IRAK1BP1: variants seen among roughly 807,000 people sequenced by gnomAD.
IRAK1BP1 encodes interleukin 1 receptor associated kinase 1 binding protein 1, also known as interleukin-1 receptor-associated kinase 1-binding protein 1.
A neutral mutation model predicts 28.0 loss-of-function variants in IRAK1BP1; 24 were observed. That is an observed-to-expected ratio of 0.86 (90% CI 0.62 to 1.20). IRAK1BP1 has a LOEUF of 1.20. Among genes scored for constraint, IRAK1BP1 ranks in the 50% most tolerant of loss-of-function variants. The pLI is 0.00. For missense variants in IRAK1BP1, 336 were observed against 316.7 expected (o/e 1.06, Z -0.46); for synonymous variants, 131 against 116.3 (o/e 1.13, Z -0.81).
At chr6:78,878,387 G>A (rs1771091136) in intron 1 of IRAK1BP1, among the ~76,000 whole-genome samples, 1 of 152,212 alleles carries the variant, frequency 6.6e-6, no homozygotes, top group African/African-American at 2.4e-5. Context: ...GGCAAACAGG[G>A]TCTGGAGTGG....
At chr6:78,878,899 CAGT>C (rs1352539636) in intron 1 of IRAK1BP1, among the ~76,000 whole-genome samples, 2 of 152,092 alleles carry the variant, frequency 1.3e-5, no homozygotes, top group Admixed American at 6.6e-5. Context: ...GAAAGGGTAT[CAGT>C]GGTGGAAGAT....
At chr6:78,882,702 A>G (rs1771273402) in intron 1 of IRAK1BP1, among the ~76,000 whole-genome samples, 2 of 152,310 alleles carry the variant, frequency 1.3e-5, no homozygotes, top group South Asian at 4.1e-4. Context: ...GAGACTAAGG[A>G]GACTTGATGA....
At chr6:78,972,159 C>G in the IRAK1BP1 span, among the ~76,000 whole-genome samples, 1 of 152,202 alleles carries the variant, frequency 6.6e-6, no homozygotes, top group African/African-American at 2.4e-5. Context: ...CAGTGGTTCT[C>G]CCAGTACGCA....
chr6:78,910,257 T>TG (rs1772368537), intron 4 of IRAK1BP1, among the ~76,000 whole-genome samples: 1 of 152,118 alleles, frequency 6.6e-6, no homozygotes. Flanking sequence ...GGCGAGGGCC[T>TG]ATCAGTTACA....
At chr6:78,930,890 C>A (rs1008556873) in intron 4 of IRAK1BP1, among the ~76,000 whole-genome samples, 1 of 152,002 alleles carries the variant, frequency 6.6e-6, no homozygotes, top group Admixed American at 6.6e-5. Flanking sequence ...GAGATCGCAC[C>A]ACTGCACTCC....
intron 4 of IRAK1BP1, among the ~76,000 whole-genome samples, chr6:78,925,180 T>C (rs559503223): frequency 6.7e-6 from 1 of 149,434 alleles, no homozygotes; most frequent in East Asian, 2.0e-4. Flanking sequence ...GGGGTGGGGG[T>C]ATGGGGGAGG....
At chr6:78,935,037 C>CTT (rs1298468509) in intron 4 of IRAK1BP1, among the ~76,000 whole-genome samples, 1 of 152,118 alleles carries the variant, frequency 6.6e-6, no homozygotes. Context: ...GGTCTTTAAT[C>CTT]TTACTTCCGT....
the IRAK1BP1 span, among the ~76,000 whole-genome samples, chr6:78,974,276 A>G: frequency 6.6e-6 from 1 of 152,102 alleles, no homozygotes; most frequent in Admixed American, 6.6e-5. Flanking sequence ...CTGAATGACT[A>G]CTGGGTACAT....
At chr6:78,946,684 T>C (rs750907130), downstream of IRAK1BP1, 19 of 1,523,848 alleles carry the variant, frequency 1.2e-5, no homozygotes, top group Non-Finnish European at 2.6e-6. Context: ...ATAGATCAGC[T>C]AGTGGTATTT....
downstream of IRAK1BP1, among the ~76,000 whole-genome samples, chr6:78,947,163 C>G (rs555972789): frequency 6.6e-5 from 10 of 152,290 alleles, no homozygotes; most frequent in East Asian, 1.9e-3. Context: ...AACTTTATTA[C>G]ACTGAAACTA....
the IRAK1BP1 span, chr6:78,965,654 AAGAAAT>A: frequency 9.8e-7 from 1 of 1,017,874 alleles, no homozygotes; most frequent in Non-Finnish European, 1.5e-6. Context: ...ATAATTTCTT[AAGAAAT>A]TAACTCCATA....
At chr6:78,972,387 T>A in the IRAK1BP1 span, among the ~76,000 whole-genome samples, 2 of 151,994 alleles carry the variant, frequency 1.3e-5, no homozygotes, top group African/African-American at 2.4e-5. Context: ...TACATCACCA[T>A]CATCAAAGAC....
chr6:78,946,583 G>T, downstream of IRAK1BP1: 2 of 1,411,120 alleles, frequency 1.4e-6, no homozygotes, highest in East Asian at 2.6e-5. Flanking sequence ...CCACATCATA[G>T]GAACTTGCAT....
intron 1 of IRAK1BP1, among the ~76,000 whole-genome samples, chr6:78,884,105 A>G (rs1582003746): frequency 1.3e-5 from 2 of 152,176 alleles, no homozygotes; most frequent in African/African-American, 4.8e-5. Context: ...CATAATAAAA[A>G]TATTGTGTTA....
At chr6:78,968,201 T>C in the IRAK1BP1 span, among the ~76,000 whole-genome samples, 1 of 152,230 alleles carries the variant, frequency 6.6e-6, no homozygotes, top group Non-Finnish European at 1.5e-5. Context: ...CAATCAGATG[T>C]ACCAAAGGCT....
chr6:78,908,504 C>G (rs997952769), intron 4 of IRAK1BP1, among the ~76,000 whole-genome samples: 9 of 151,986 alleles, frequency 5.9e-5, no homozygotes, highest in African/African-American at 2.2e-4. Flanking sequence ...ACACACCTGG[C>G]TAATTTTCCT....
At chr6:78,885,923 T>A (rs2127646356) in intron 2 of IRAK1BP1, among the ~76,000 whole-genome samples, 1 of 152,292 alleles carries the variant, frequency 6.6e-6, no homozygotes, top group African/African-American at 2.4e-5. Flanking sequence ...AATGACAACA[T>A]TTAGTTCCTG....
At chr6:78,940,548 G>GTTTTTATTTTTTTTTT (rs1773439592) in intron 4 of IRAK1BP1, 1 of 82,672 alleles carries the variant, frequency 1.2e-5, no homozygotes, top group Non-Finnish European at 2.1e-5. Context: ...TCGTAAGTTT[G>GTTTTTATTTTTTTTTT]TTTTTTTTTT....
rs1356054825 is a variant in IRAK1BP1, at chr6:78,867,717, A to C, written c.141A>C (p.Gln47His). The part of the protein sequence containing the change: ...LRHPLSSTQA[Q>H]TATREVQVSG... ...ACCCCCTCTCCTCAACACAAGCCCAAACTGCTACCCGCGAGGTGCAAGTAA... is the reference window on the plus strand; with the variant it reads ...ACCCCCTCTCCTCAACACAAGCCCACACTGCTACCCGCGAGGTGCAAGTAA... Residue 47 changes from glutamine to histidine, a missense_variant, in exon 1 of 4, where the codon CAA becomes CAC. By Grantham distance (24) the Gln-to-His change is conservative. Transcript: ENST00000369940. 3.7e-6 allele frequency: 6 copies of C among 1,614,218 alleles called. No homozygotes were observed. Among genetic ancestry groups the C allele is most frequent in the Non-Finnish European group, 4.2e-6 (5 of 1,180,036 alleles).
Sources: allele counts gnomAD v4.1 joint callset (sites outside exome capture counted in the v4.1 genomes callset), GRCh38; gene constraint gnomAD v4.1.1; transcripts MANE v1.5; gene names NCBI Gene and HGNC (gene_info 2026-07-23, HGNC 2026-07-21).